Variants in SLC13A3 observed in about 807,000 individuals in gnomAD.
The protein encoded by SLC13A3 is solute carrier family 13 member 3.
SLC13A3 carries 40 observed loss-of-function variants against 59.0 expected under a neutral mutation model. That is an observed-to-expected ratio of 0.68 (90% CI 0.53 to 0.88). The LOEUF (loss-of-function observed/expected upper bound fraction) is 0.88, where lower values mean the gene tolerates loss of function less well. SLC13A3 is among the 40% of genes least tolerant of loss of function. The pLI is 0.00. For missense variants in SLC13A3, 699 were observed against 783.2 expected (o/e 0.89, Z 1.28); for synonymous variants, 317 against 330.3 (o/e 0.96, Z 0.44).
chr20:46,605,475 A>C (rs2062429313), intron 3 of SLC13A3, among the ~76,000 whole-genome samples: 1 of 152,134 alleles, frequency 6.6e-6, no homozygotes, highest in Non-Finnish European at 1.5e-5. Context: ...GGTCTTATTC[A>C]CATCATACAA....
chr20:46,569,203 G>A (rs1245000091), intron 10 of SLC13A3, among the ~76,000 whole-genome samples: 1 of 152,026 alleles, frequency 6.6e-6, no homozygotes, highest in African/African-American at 2.4e-5. Context: ...TGTTGCCCAG[G>A]CTGGTTTGAA....
At chr20:46,665,186 A>G (rs114143346) in intron 1 of SLC13A3, among the ~76,000 whole-genome samples, 2,724 of 152,132 alleles carry the variant, frequency 0.018, 73 homozygotes, top group African/African-American at 0.061. Flanking sequence ...GGATCACTTG[A>G]GCCCAGGATG....
chr20:46,621,233 C>T (rs556564706), intron 1 of SLC13A3, among the ~76,000 whole-genome samples: 1 of 152,264 alleles, frequency 6.6e-6, no homozygotes, highest in South Asian at 2.1e-4. Flanking sequence ...GCTCCTGCTC[C>T]TTCCTCTCAT....
At chr20:46,569,229 G>A (rs546744714) in intron 10 of SLC13A3, among the ~76,000 whole-genome samples, 3 of 152,110 alleles carry the variant, frequency 2.0e-5, no homozygotes, top group South Asian at 2.1e-4. Context: ...GGGCTTAAGC[G>A]ATCCTCCTGC....
chr20:46,646,034 G>A (rs2062890879), intron 1 of SLC13A3, among the ~76,000 whole-genome samples: 1 of 152,168 alleles, frequency 6.6e-6, no homozygotes. Context: ...CTCCATTCTG[G>A]GGTGCATGGG....
At chr20:46,654,680 CCAT>C (rs1344344463), upstream of SLC13A3, among the ~76,000 whole-genome samples, 2 of 152,076 alleles carry the variant, frequency 1.3e-5, no homozygotes, top group Admixed American at 6.6e-5. Context: ...CAGGCACCCA[CCAT>C]CACACCCGGC....
At chr20:46,560,329 G>T (rs1002311374) in intron 12 of SLC13A3, 131 bp from the exon 13 acceptor site, 5 of 820,218 alleles carry the variant, frequency 6.1e-6, no homozygotes, top group Middle Eastern at 2.5e-4. Flanking sequence ...CCAGGACACA[G>T]ACCCAGGTCG....
chr20:46,607,336 T>C (rs994980364), intron 3 of SLC13A3, among the ~76,000 whole-genome samples: 4 of 152,128 alleles, frequency 2.6e-5, no homozygotes, highest in Non-Finnish European at 5.9e-5. Context: ...CCTAGGAACT[T>C]CCTTGTGCCT....
intron 1 of SLC13A3, chr20:46,613,997 C>T (rs749210081): frequency 1.4e-4 from 54 of 379,218 alleles, no homozygotes; most frequent in Non-Finnish European, 2.2e-4. Context: ...CCTCATAGGA[C>T]TGTTTGAGAA....
Position 46,596,039 on chromosome 20 carries a change from G to A in SLC13A3, c.794+118C>T. The A allele has an allele frequency of 4.3e-6, 4 of 930,826 alleles. No individual in the cohort carries two copies. In the African/African-American group the frequency reaches 6.7e-5, roughly 16 times the overall value. 57.7% of individuals were successfully genotyped at this position (930,826 alleles called of 1,614,324 possible). On this transcript the variant is annotated intron_variant, in intron 5 of 12. Transcript: ENST00000279027. ...CTCACTGGATTTTGTGCATTGCTGT[G>A]TTCCCAGAGCCTGGCCCAGAGAAGG...
chr20:46,663,875 T>C (rs948562743), intron 1 of SLC13A3, among the ~76,000 whole-genome samples: 4 of 152,232 alleles, frequency 2.6e-5, no homozygotes, highest in Non-Finnish European at 5.9e-5. Flanking sequence ...AATATGACTT[T>C]AATACTGAGC....
chr20:46,618,913 G>T (rs1445365334), intron 1 of SLC13A3, among the ~76,000 whole-genome samples: 1 of 152,176 alleles, frequency 6.6e-6, no homozygotes. Flanking sequence ...GTAGCTCCTA[G>T]CCACGAACTT....
chr20:46,560,741 T>G (rs529002386), intron 12 of SLC13A3, among the ~76,000 whole-genome samples: 1 of 152,236 alleles, frequency 6.6e-6, no homozygotes, highest in African/African-American at 2.4e-5. Flanking sequence ...AGACTACCCT[T>G]GTCCATTGGG....
chr20:46,560,799 C>G (rs565288738), intron 12 of SLC13A3, among the ~76,000 whole-genome samples: 3 of 152,276 alleles, frequency 2.0e-5, no homozygotes, highest in African/African-American at 7.2e-5. Flanking sequence ...TGCTCCCTAC[C>G]CTGGCTGGCC....
upstream of SLC13A3, among the ~76,000 whole-genome samples, chr20:46,654,720 G>A (rs527660486): frequency 5.3e-5 from 8 of 152,196 alleles, no homozygotes; most frequent in East Asian, 7.7e-4. Flanking sequence ...TAGTAGAGAC[G>A]GGTTTACACC....
chr20:46,657,634 T>C (rs920221567), intron 1 of SLC13A3, among the ~76,000 whole-genome samples: 12 of 152,100 alleles, frequency 7.9e-5, no homozygotes, highest in African/African-American at 2.9e-4. Flanking sequence ...CGTTTCTGCA[T>C]TGCTATAAAG....
At chr20:46,580,011 C>T (rs897573500) in intron 9 of SLC13A3, among the ~76,000 whole-genome samples, 4 of 152,072 alleles carry the variant, frequency 2.6e-5, no homozygotes, top group Non-Finnish European at 5.9e-5. Flanking sequence ...TTTCAACCAG[C>T]CTGGAGTGCA....
chr20:46,668,895 T>C (rs1206638748), intron 1 of SLC13A3, among the ~76,000 whole-genome samples: 2 of 152,246 alleles, frequency 1.3e-5, no homozygotes, highest in Non-Finnish European at 1.5e-5. Flanking sequence ...TTTTACTGAA[T>C]ATTTTAAGCC....
rs2061915503 is a variant in SLC13A3 at position 46,559,788 on chromosome 20, T to C, written c.*234A>G. 4.0e-6 allele frequency: 2 copies of C among 499,480 alleles called. No individual in the cohort carries two copies. The highest frequency in any genetic ancestry group is 6.5e-5 in the East Asian group (2 of 30,850). The allele number at this position is 499,480 out of a possible 1,614,324, so 30.9% of individuals were successfully genotyped here. ...TAAAACAGCTAACTGATAAAGGAGC[T>C]TATTTCTCAGGCAGCAGATCTGAGA... On this transcript the variant is annotated 3_prime_UTR_variant, in exon 13 of 13. Coordinates refer to ENST00000279027, the MANE Select transcript of SLC13A3 (RefSeq NM_022829.6).
Sources: allele counts gnomAD v4.1 joint callset (sites outside exome capture counted in the v4.1 genomes callset), GRCh38; gene constraint gnomAD v4.1.1; transcripts MANE v1.5; gene names NCBI Gene and HGNC (gene_info 2026-07-23, HGNC 2026-07-21).